The following SHISA9 variants were observed in gnomAD, a reference collection of about 807,000 sequenced individuals.
The protein encoded by SHISA9 is shisa family member 9, also known as protein shisa-9.
A neutral mutation model predicts 38.0 loss-of-function variants in SHISA9; 13 were observed. That is an observed-to-expected ratio of 0.34 (90% CI 0.22 to 0.54). The LOEUF (loss-of-function observed/expected upper bound fraction) is 0.54, where lower values mean the gene tolerates loss of function less well. Among genes scored for constraint, SHISA9 ranks in the 20% least tolerant of loss-of-function variants. The pLI is 0.91. For synonymous variants in SHISA9, 275 were observed against 242.0 expected, an observed-to-expected ratio of 1.14 and a Z score of -1.27; for missense variants, 538 against 575.8, an observed-to-expected ratio of 0.93 and a Z score of 0.67.
the SHISA9 span, among the ~76,000 whole-genome samples, chr16:13,540,839 A>T: frequency 6.6e-6 from 1 of 152,184 alleles, no homozygotes; most frequent in Non-Finnish European, 1.5e-5. Context: ...GTTAAAGTAT[A>T]TTTCATCACT....
the SHISA9 span, among the ~76,000 whole-genome samples, chr16:13,290,295 G>T: frequency 6.6e-6 from 1 of 152,100 alleles, no homozygotes; most frequent in Non-Finnish European, 1.5e-5. Flanking sequence ...GTACTATGTT[G>T]GTTTTGGGAA....
chr16:13,532,698 T>C, the SHISA9 span, among the ~76,000 whole-genome samples: 1 of 152,122 alleles, frequency 6.6e-6, no homozygotes, highest in Admixed American at 6.6e-5. Context: ...TGACAATTTC[T>C]TTTCCTTCCT....
At chr16:13,372,772 G>A in the SHISA9 span, among the ~76,000 whole-genome samples, 5 of 152,182 alleles carry the variant, frequency 3.3e-5, no homozygotes, top group African/African-American at 4.8e-5. Flanking sequence ...TGCAAAGGAC[G>A]TAAAGGAAGC....
At chr16:13,129,539 T>C (rs755095513) in intron 2 of SHISA9, among the ~76,000 whole-genome samples, 3 of 152,158 alleles carry the variant, frequency 2.0e-5, no homozygotes, top group Non-Finnish European at 4.4e-5. Flanking sequence ...TACCTAATTG[T>C]AGAGAAGCCT....
At chr16:13,141,420 C>T (rs1898686) in intron 2 of SHISA9, among the ~76,000 whole-genome samples, 3,444 of 152,066 alleles carry the variant, frequency 0.023, 122 homozygotes, top group African/African-American at 0.077. Flanking sequence ...GGTGCAGTGG[C>T]TCACACCTGT....
chr16:13,102,880 C>T (rs1010221479), intron 2 of SHISA9, among the ~76,000 whole-genome samples: 2 of 152,212 alleles, frequency 1.3e-5, no homozygotes, highest in Non-Finnish European at 2.9e-5. Flanking sequence ...ATAAATTGCT[C>T]ACTCAACTTC....
chr16:13,153,537 C>T (rs2050517652), intron 2 of SHISA9, among the ~76,000 whole-genome samples: 1 of 152,138 alleles, frequency 6.6e-6, no homozygotes, highest in African/African-American at 2.4e-5. Context: ...TGTGGTGGAA[C>T]TCCAATGTGG....
At chr16:13,128,604 A>G (rs1444361033) in intron 2 of SHISA9, among the ~76,000 whole-genome samples, 1 of 152,208 alleles carries the variant, frequency 6.6e-6, no homozygotes, top group Non-Finnish European at 1.5e-5. Context: ...ACAGCTGGAA[A>G]GAATTAGGTC....
At chr16:13,241,317 G>T (rs1344961379), downstream of SHISA9, among the ~76,000 whole-genome samples, 2 of 152,130 alleles carry the variant, frequency 1.3e-5, no homozygotes, top group African/African-American at 4.8e-5. Flanking sequence ...GACCAGCCTG[G>T]CCAACGTGGA....
chr16:12,926,266 T>C (rs1419889979), intron 2 of SHISA9, among the ~76,000 whole-genome samples: 1 of 152,194 alleles, frequency 6.6e-6, no homozygotes. Flanking sequence ...TATACCAGAT[T>C]ATGCCTCTTT....
chr16:12,953,577 CAAGTAGGCATAA>C (rs1484659390), intron 2 of SHISA9, among the ~76,000 whole-genome samples: 1 of 152,204 alleles, frequency 6.6e-6, no homozygotes, highest in African/African-American at 2.4e-5. Flanking sequence ...CAATGAGCAT[CAAGTAGGCATAA>C]ATAAGACCTA....
the SHISA9 span, among the ~76,000 whole-genome samples, chr16:13,451,902 C>T: frequency 6.6e-5 from 10 of 152,122 alleles, no homozygotes; most frequent in African/African-American, 9.7e-5. Flanking sequence ...CTCAGGGCTT[C>T]GGATTCAAAT....
chr16:13,368,776 A>G, the SHISA9 span, among the ~76,000 whole-genome samples: 2 of 152,036 alleles, frequency 1.3e-5, no homozygotes, highest in Non-Finnish European at 2.9e-5. Flanking sequence ...GAAATAAAAT[A>G]TTAGAGCTAC....
At chr16:13,360,799 A>C in the SHISA9 span, among the ~76,000 whole-genome samples, 1 of 152,180 alleles carries the variant, frequency 6.6e-6, no homozygotes, top group African/African-American at 2.4e-5. Context: ...GATGGGAGTC[A>C]GTGGATAAAT....
rs374830495 is a variant in SHISA9, at chr16:13,173,772, C to T, written c.692-29622C>T. Among the ~76,000 whole-genome samples the T allele has an allele frequency of 1.6e-4, 25 of 152,166 alleles. No individual in the cohort carries two copies. The East Asian group carries it at 2.3e-3, about 14-fold the overall frequency. Reference sequence around the variant, plus strand: ...CTAATGGAGAAGACAAATGAAAAACCCGGCAATTACAACAGAGTCAGGTCA... The same window carrying T: ...CTAATGGAGAAGACAAATGAAAAACTCGGCAATTACAACAGAGTCAGGTCA... On this transcript the variant is annotated intron_variant, in intron 2 of 4. Transcript: ENST00000558583.
At chr16:13,258,222 T>G in the SHISA9 span, 9 of 152,300 alleles carry the variant, frequency 5.9e-5, no homozygotes, top group African/African-American at 2.2e-4. Context: ...ATAAATAAAT[T>G]TTCTGGTTCA....
the SHISA9 span, among the ~76,000 whole-genome samples, chr16:13,366,036 C>G: frequency 6.6e-6 from 1 of 152,150 alleles, no homozygotes; most frequent in Non-Finnish European, 1.5e-5. Flanking sequence ...TACACAGAGC[C>G]CCTACTTAGT....
At chr16:12,909,586 G>T (rs1056275979) in intron 1 of SHISA9, 25 of 985,176 alleles carry the variant, frequency 2.5e-5, no homozygotes, top group Non-Finnish European at 3.0e-5. Flanking sequence ...TCCCATCTTG[G>T]AGCTGTTGCA....
chr16:13,265,921 T>C, the SHISA9 span, among the ~76,000 whole-genome samples: 1 of 152,188 alleles, frequency 6.6e-6, no homozygotes, highest in East Asian at 1.9e-4. Context: ...ATCAATTTCC[T>C]AAACTCAAAT....
Sources: gnomAD v4.1 joint callset for allele counts (sites outside exome capture counted in the v4.1 genomes callset) on GRCh38, gnomAD v4.1.1 for gene constraint, MANE v1.5 for transcripts, NCBI Gene and HGNC (gene_info 2026-07-23, HGNC 2026-07-21) for gene names.